Variants in GLT8D2 observed in about 807,000 individuals in gnomAD.
GLT8D2 encodes the protein glycosyltransferase 8 domain containing 2.
Under a neutral mutation model 44.5 loss-of-function variants are expected in GLT8D2, and 45 were observed. The ratio of observed to expected loss-of-function variants is 1.01; its 90% confidence interval spans 0.80 to 1.30. The LOEUF (loss-of-function observed/expected upper bound fraction) is 1.30, where lower values mean the gene tolerates loss of function less well. GLT8D2 is among the 50% of genes most tolerant of loss of function. GLT8D2 has a pLI of 0.00. For synonymous variants in GLT8D2, 156 were observed against 157.2 expected, an observed-to-expected ratio of 0.99 and a Z score of 0.06; for missense variants, 400 against 430.4, an observed-to-expected ratio of 0.93 and a Z score of 0.62.
chr12:104,033,791 T>C (rs1879615825), intron 1 of GLT8D2, among the ~76,000 whole-genome samples: 1 of 100,344 alleles, frequency 1.0e-5, no homozygotes, highest in African/African-American at 4.1e-5. Flanking sequence ...TGTGTGTATA[T>C]ATGTGTGTGT....
intron 5 of GLT8D2, among the ~76,000 whole-genome samples, chr12:104,002,902 G>A (rs1473755432): frequency 1.3e-5 from 2 of 151,958 alleles, no homozygotes; most frequent in Admixed American, 6.6e-5. Flanking sequence ...CTGTGATTGC[G>A]CCACCGCACA....
At chr12:104,006,946 C>T (rs1372319872) in intron 4 of GLT8D2, among the ~76,000 whole-genome samples, 1 of 152,184 alleles carries the variant, frequency 6.6e-6, no homozygotes, top group Non-Finnish European at 1.5e-5. Flanking sequence ...ATTTACTTTG[C>T]CTACACTGCT....
upstream of GLT8D2, among the ~76,000 whole-genome samples, chr12:104,054,602 A>G (rs1342769744): frequency 6.6e-6 from 1 of 151,950 alleles, no homozygotes; most frequent in Non-Finnish European, 1.5e-5. Flanking sequence ...CCTCCCTTCT[A>G]ATAGAAACAC....
chr12:104,037,450 A>G (rs1439828749), intron 1 of GLT8D2, among the ~76,000 whole-genome samples: 1 of 152,234 alleles, frequency 6.6e-6, no homozygotes, highest in African/African-American at 2.4e-5. Flanking sequence ...AGAATCAAAC[A>G]GACGCAATAA....
At chr12:103,998,779 T>G (rs1873823719) in intron 6 of GLT8D2, among the ~76,000 whole-genome samples, 3 of 152,032 alleles carry the variant, frequency 2.0e-5, no homozygotes, top group African/African-American at 4.8e-5. Flanking sequence ...ACTTCTGAGC[T>G]CAAGCAATCC....
chr12:104,032,760 TC>T (rs1333681879), intron 1 of GLT8D2, among the ~76,000 whole-genome samples: 1 of 151,986 alleles, frequency 6.6e-6, no homozygotes, highest in Non-Finnish European at 1.5e-5. Flanking sequence ...TGGAGGTCTC[TC>T]AAAAAATTCA....
intron 1 of GLT8D2, chr12:104,029,646 C>T (rs901758060): frequency 1.3e-5 from 2 of 152,024 alleles, no homozygotes; most frequent in South Asian, 2.1e-4. Context: ...TAATATAAGG[C>T]TTTATGAGGA....
chr12:104,003,207 C>T lies in GLT8D2; in HGVS notation c.212G>A (p.Ser71Asn), dbSNP rs766472373. The change falls in exon 5 of 11, where the codon AGC becomes AAC. Residue 71 changes from serine to asparagine, a missense_variant. Coordinates refer to ENST00000360814, the MANE Select transcript of GLT8D2 (RefSeq NM_001384711.1). ...GTTGGCGTCAGTGTTGCTGTAGATG[C>T]TATTGATGGCAGCCATAGTGGCACC... ...RMGATMAAIN[S>N]IYSNTDANIL... 6.2e-6 allele frequency: 10 copies of T among 1,613,890 alleles called. No homozygotes were observed. The highest frequency in any genetic ancestry group is 5.3e-5 in the African/African-American group (4 of 74,890).
intron 1 of GLT8D2, among the ~76,000 whole-genome samples, chr12:104,028,944 A>T (rs1420273183): frequency 6.6e-6 from 1 of 152,206 alleles, no homozygotes; most frequent in Non-Finnish European, 1.5e-5. Context: ...GAAAGGAAAA[A>T]AAAAAACCAC....
At chr12:104,024,809 G>A (rs1362866482) in intron 1 of GLT8D2, among the ~76,000 whole-genome samples, 3 of 152,100 alleles carry the variant, frequency 2.0e-5, no homozygotes, top group Non-Finnish European at 4.4e-5. Context: ...TGTGGCTCAT[G>A]CCTGTAATCC....
chr12:104,043,624 G>A (rs932850799), intron 1 of GLT8D2, among the ~76,000 whole-genome samples: 1 of 152,116 alleles, frequency 6.6e-6, no homozygotes, highest in Non-Finnish European at 1.5e-5. Flanking sequence ...GCACCACCAC[G>A]CCCAGCTAGT....
At chr12:104,005,437 G>T (rs1049648784) in intron 4 of GLT8D2, among the ~76,000 whole-genome samples, 1 of 152,146 alleles carries the variant, frequency 6.6e-6, no homozygotes, top group African/African-American at 2.4e-5. Context: ...CCATCAGAGT[G>T]AACAGGCAAC....
chr12:104,044,323 A>C (rs1880864941), intron 1 of GLT8D2, among the ~76,000 whole-genome samples: 1 of 152,168 alleles, frequency 6.6e-6, no homozygotes, highest in African/African-American at 2.4e-5. Context: ...CCTCGTCATC[A>C]CCGGTGTACT....
At position 104,021,951 on chromosome 12, in the gene GLT8D2, GAAGAGGAA is replaced by G. The variant is rs1566202541; in HGVS notation, c.-163-468_-163-461del. Among the ~76,000 whole-genome samples the G allele has an allele frequency of 6.5e-3, 115 of 17,562 alleles. 2 individuals are homozygous for G. The highest frequency in any genetic ancestry group is 0.065 in the East Asian group (11 of 168). 11.5% of individuals were successfully genotyped at this position (17,562 alleles called of 152,430 possible). On this transcript the variant is annotated intron_variant, in intron 1 of 10. Transcript: ENST00000360814. ...AGAAGAAGAAGAAGAAGAAGAAGAA[GAAGAGGAA>G]GAAGAGGAAGAGGAAGAGGAAGAGG...
intron 4 of GLT8D2, 113 bp from the exon 5 acceptor site, chr12:104,003,419 G>A: frequency 1.1e-6 from 1 of 902,982 alleles, no homozygotes; most frequent in Middle Eastern, 2.3e-4. Flanking sequence ...AGAGACTGCT[G>A]ATTGTTCTCC....
chr12:104,045,935 G>A (rs372659629), intron 1 of GLT8D2, among the ~76,000 whole-genome samples: 4 of 111,806 alleles, frequency 3.6e-5, no homozygotes, highest in Non-Finnish European at 5.9e-5. Context: ...AAGAAAGAAA[G>A]AAAAAGAAAG....
intron 1 of GLT8D2, among the ~76,000 whole-genome samples, chr12:104,021,891 GA>G (rs1566202206): frequency 0.031 from 272 of 8,754 alleles, 19 homozygotes; most frequent in South Asian, 0.14. Flanking sequence ...AGAAGAAGAA[GA>G]AGAAGAAGAA....
chr12:103,999,233 T>A lies in GLT8D2; in HGVS notation c.402+164A>T, dbSNP rs1873885194. On this transcript the variant is annotated intron_variant, in intron 6 of 10. Transcript: ENST00000360814. ...TCTATAAACCATCTTAAATCCTTTC[T>A]GTAGCAGCTGGCTTATAAATTATAC... 5.2e-6 allele frequency: 3 copies of A among 581,024 alleles called. No individual in the cohort carries two copies. The Admixed American group carries it at 7.5e-5, about 14-fold the overall frequency. 36.0% of individuals were successfully genotyped at this position (581,024 alleles called of 1,614,324 possible). A position where few individuals can be genotyped will look rare whatever the true frequency, so the allele number is the denominator to read the frequency against.
At chr12:104,030,801 T>C in intron 1 of GLT8D2, 1 of 1,609,494 alleles carries the variant, frequency 6.2e-7, no homozygotes, top group Non-Finnish European at 8.5e-7. Flanking sequence ...AAACTGGTGC[T>C]GATCCGGCAC....
Sources: allele counts gnomAD v4.1 joint callset (sites outside exome capture counted in the v4.1 genomes callset), GRCh38; gene constraint gnomAD v4.1.1; transcripts MANE v1.5; gene names NCBI Gene and HGNC (gene_info 2026-07-23, HGNC 2026-07-21).